The following SEC24A variants were observed in gnomAD, a reference collection of about 807,000 sequenced individuals.
SEC24A encodes protein transport protein Sec24A.
In SEC24A, 93 loss-of-function variants were observed where a neutral mutation model predicts 129.4. The ratio of observed to expected loss-of-function variants is 0.72; its 90% confidence interval spans 0.61 to 0.85. The LOEUF is 0.85. SEC24A is among the 40% of genes least tolerant of loss of function. The pLI is 0.00. For synonymous variants in SEC24A, 460 were observed against 467.3 expected, an observed-to-expected ratio of 0.98 and a Z score of 0.20; for missense variants, 1,264 against 1,307.4, an observed-to-expected ratio of 0.97 and a Z score of 0.51.
chr5:134,694,214 C>T (rs1425188839), intron 13 of SEC24A, among the ~76,000 whole-genome samples: 1 of 152,064 alleles, frequency 6.6e-6, no homozygotes. Flanking sequence ...CAAAGAGAAC[C>T]TGATTGACCA....
intron 7 of SEC24A, among the ~76,000 whole-genome samples, chr5:134,677,833 CAAAA>C (rs112969795): frequency 9.0e-6 from 1 of 111,462 alleles, no homozygotes. Context: ...GAGACTGTCT[CAAAA>C]AAAAAAAAAA....
At chr5:134,713,039 C>G (rs893400299) in intron 18 of SEC24A, among the ~76,000 whole-genome samples, 2 of 145,044 alleles carry the variant, frequency 1.4e-5, no homozygotes, top group Non-Finnish European at 3.0e-5. Flanking sequence ...TCACGCCATT[C>G]TCCTGCCTCA....
intron 13 of SEC24A, among the ~76,000 whole-genome samples, chr5:134,696,720 G>A (rs1156459221): frequency 6.6e-6 from 1 of 151,700 alleles, no homozygotes; most frequent in Non-Finnish European, 1.5e-5. Flanking sequence ...GGATGGTCTC[G>A]ATCTCCGGCC....
chr5:134,708,430 A>G (rs1413969229), intron 17 of SEC24A, among the ~76,000 whole-genome samples: 3 of 152,238 alleles, frequency 2.0e-5, no homozygotes, highest in Admixed American at 1.3e-4. Flanking sequence ...TCAATGGTAT[A>G]TAAAGTGTTG....
At chr5:134,684,138 A>C (rs1464884535) in intron 9 of SEC24A, among the ~76,000 whole-genome samples, 1 of 151,754 alleles carries the variant, frequency 6.6e-6, no homozygotes, top group Non-Finnish European at 1.5e-5. Flanking sequence ...CCCCGTCTCT[A>C]CTAAAAATAC....
At chr5:134,683,921 C>T (rs1420299211) in intron 9 of SEC24A, among the ~76,000 whole-genome samples, 2 of 152,102 alleles carry the variant, frequency 1.3e-5, no homozygotes, top group Non-Finnish European at 1.5e-5. Flanking sequence ...TAATTTAGGC[C>T]TTTTGATTTG....
intron 7 of SEC24A, among the ~76,000 whole-genome samples, chr5:134,678,867 A>AT (rs1751163682): frequency 6.6e-6 from 1 of 151,966 alleles, no homozygotes; most frequent in East Asian, 1.9e-4. Context: ...GGCATGAGCC[A>AT]CCACGCCCAG....
Position 134,661,432 on chromosome 5 carries a change from T to C in SEC24A, c.411T>C (p.Asn137=), listed in dbSNP as rs749331152. Residue 137 remains asparagine, a synonymous_variant, in exon 2 of 23, where the codon AAT becomes AAC. Transcript: ENST00000398844. The part of the protein sequence containing the change: ...LPEANLPPPL[N]WQYNYPSTAS... Reference sequence around the variant, plus strand: ...AAGCCAACCTGCCACCACCTTTGAATTGGCAATATAACTATCCATCCACAG... The same window carrying C: ...AAGCCAACCTGCCACCACCTTTGAACTGGCAATATAACTATCCATCCACAG... The C allele has an allele frequency of 1.1e-5, 17 of 1,614,182 alleles. No individual in the cohort carries two copies. Among genetic ancestry groups the C allele is most frequent in the Non-Finnish European group, 1.4e-5 (16 of 1,180,036 alleles).
At chr5:134,721,911 A>G (rs1752638481) in intron 21 of SEC24A, among the ~76,000 whole-genome samples, 1 of 152,212 alleles carries the variant, frequency 6.6e-6, no homozygotes, top group South Asian at 2.1e-4. Context: ...TCAGGATTAT[A>G]GCTAGGATAA....
intron 1 of SEC24A, among the ~76,000 whole-genome samples, chr5:134,654,567 T>C (rs1000780183): frequency 6.6e-6 from 1 of 152,004 alleles, no homozygotes; most frequent in Non-Finnish European, 1.5e-5. Context: ...TTTGCAAAAA[T>C]TGATAGCAGA....
chr5:134,675,395 A>C (rs1751025929), intron 6 of SEC24A, among the ~76,000 whole-genome samples, 178 bp downstream of exon 6: 1 of 152,164 alleles, frequency 6.6e-6, no homozygotes, highest in Non-Finnish European at 1.5e-5. Flanking sequence ...CTACGTCAAG[A>C]AATAGGGATG....
chr5:134,697,949 C>T lies in SEC24A; in HGVS notation c.2158C>T (p.His720Tyr), dbSNP rs543304146. Reference sequence around the variant, plus strand: ...TAGTGTCTATTACTATCCCTCTTACCATCATCAGCACAACCCAGTCCAAGT... The same window carrying T: ...TAGTGTCTATTACTATCCCTCTTACTATCATCAGCACAACCCAGTCCAAGT... Reference protein sequence around the residue: ...AGSVYYYPSYHHQHNPVQVQK... With the variant: ...AGSVYYYPSYYHQHNPVQVQK... Residue 720 changes from histidine (H) to tyrosine (Y), a missense_variant, in exon 15 of 23, where the codon CAT becomes TAT. Physicochemically the swap from His to Tyr is moderately conservative, Grantham distance 83 (BLOSUM62 2). Transcript: ENST00000398844. 4.3e-6 allele frequency: 7 copies of T among 1,613,772 alleles called. No homozygotes were observed. Among genetic ancestry groups the T allele is most frequent in the African/African-American group, 1.3e-5 (1 of 74,976 alleles).
At chr5:134,669,773 G>A (rs935032356) in intron 3 of SEC24A, among the ~76,000 whole-genome samples, 2 of 151,766 alleles carry the variant, frequency 1.3e-5, no homozygotes, top group Non-Finnish European at 2.9e-5. Flanking sequence ...CACTGCGCCC[G>A]GCCCCAGAAA....
At chr5:134,673,492 T>G (rs538508593) in intron 4 of SEC24A, among the ~76,000 whole-genome samples, 1 of 152,258 alleles carries the variant, frequency 6.6e-6, no homozygotes, top group African/African-American at 2.4e-5. Flanking sequence ...TGAGACAGTT[T>G]CCCTCTGTCG....
At chr5:134,719,147 C>T (rs955269358) in intron 20 of SEC24A, among the ~76,000 whole-genome samples, 2 of 151,968 alleles carry the variant, frequency 1.3e-5, no homozygotes, top group African/African-American at 4.8e-5. Context: ...TTTAGGATGC[C>T]AAGGCAGGCG....
intron 16 of SEC24A, among the ~76,000 whole-genome samples, chr5:134,704,359 C>T (rs947871926): frequency 4.6e-5 from 7 of 152,094 alleles, no homozygotes; most frequent in African/African-American, 1.7e-4. Flanking sequence ...TGAGCCACTG[C>T]GCCCAGCCCT....
chr5:134,675,715 C>T (rs963018341), intron 6 of SEC24A, among the ~76,000 whole-genome samples: 1 of 152,096 alleles, frequency 6.6e-6, no homozygotes, highest in African/African-American at 2.4e-5. Flanking sequence ...TGGGCCATCA[C>T]CTAAGTTTAA....
intron 3 of SEC24A, among the ~76,000 whole-genome samples, chr5:134,670,068 A>G (rs945093257): frequency 2.6e-5 from 4 of 152,182 alleles, no homozygotes. Context: ...CTGAGATTAC[A>G]GGCATGTGCC....
chr5:134,684,488 G>A (rs549069437), intron 9 of SEC24A, among the ~76,000 whole-genome samples: 2 of 150,816 alleles, frequency 1.3e-5, no homozygotes, highest in African/African-American at 4.9e-5. Flanking sequence ...CAAGGTGGGC[G>A]GATGACTGGA....
Sources: gnomAD v4.1 joint callset for allele counts (sites outside exome capture counted in the v4.1 genomes callset) on GRCh38, gnomAD v4.1.1 for gene constraint, MANE v1.5 for transcripts, NCBI Gene and HGNC (gene_info 2026-07-23, HGNC 2026-07-21) for gene names.